KDM4C: variants seen among roughly 807,000 people sequenced by gnomAD.
The protein encoded by KDM4C is lysine demethylase 4C, also known as lysine-specific demethylase 4C.
In KDM4C, 81 loss-of-function variants were observed where a neutral mutation model predicts 129.3. The ratio of observed to expected loss-of-function variants is 0.63; its 90% CI spans 0.52 to 0.75. The LOEUF is 0.75. Among genes scored for constraint, KDM4C ranks in the 30% least tolerant of loss-of-function variants. The pLI is 0.00. For synonymous variants in KDM4C, 573 were observed against 456.1 expected (o/e 1.26, Z -3.26); for missense variants, 1,457 against 1,304.0 (o/e 1.12, Z -1.81).
Position 7,049,146 on chromosome 9 carries a change from C to T in KDM4C, c.2370C>T (p.Val790=). 6.2e-7 allele frequency: 1 copy of T among 1,612,338 alleles called. No homozygotes were observed. The highest frequency in any genetic ancestry group is 1.3e-5 in the African/African-American group (1 of 74,866). ...TCCCAGAAGTTCGATTCACTAATGT[C>T]CCAGAAAGGACACAAATAGATGTAG... The part of the protein sequence containing the change: ...VAVPEVRFTN[V]PERTQIDVGR... Residue 790 remains valine (V), a synonymous_variant, in exon 17 of 22, where the codon GTC becomes GTT. Coordinates refer to ENST00000381309, the MANE Select transcript of KDM4C (RefSeq NM_015061.6).
intron 16 of KDM4C, among the ~76,000 whole-genome samples, 162 bp downstream of exon 16, chr9:7,047,079 T>G (rs767204975): frequency 1.1e-4 from 16 of 152,068 alleles, no homozygotes; most frequent in Non-Finnish European, 1.9e-4. Flanking sequence ...TTCTACTGTT[T>G]GCACTCTCAT....
In KDM4C at chr9:7,110,977, A is replaced by G. The variant is rs75153395; in HGVS notation, c.2610+7107A>G. On this transcript the variant is annotated intron_variant, in intron 18 of 21. Coordinates refer to ENST00000381309, the MANE Select transcript of KDM4C (RefSeq NM_015061.6). ...TATGGAGAACTTTAGACTGCCTTAA[A>G]ACTGTTCAGTTCAATATATGTAGGG... is the stretch of plus-strand genomic sequence containing the variant. Among the ~76,000 whole-genome samples the G allele has an allele frequency of 1.5e-3, 227 of 152,318 alleles. 1 individual carries two copies. The highest frequency in any genetic ancestry group is 5.1e-3 in the African/African-American group (211 of 41,582).
At chr9:6,834,739 T>G (rs1835547798) in intron 4 of KDM4C, 4 of 1,000,200 alleles carry the variant, frequency 4.0e-6, no homozygotes, top group Non-Finnish European at 6.4e-6. Flanking sequence ...GGGAGCTGCA[T>G]GTGGTTCCCG....
chr9:6,836,338 C>G (rs540556627), intron 4 of KDM4C, among the ~76,000 whole-genome samples: 1 of 152,240 alleles, frequency 6.6e-6, no homozygotes, highest in South Asian at 2.1e-4. Flanking sequence ...TGCCATTGCA[C>G]TCCAGCCTGG....
rs1817324263 is a variant in KDM4C at position 6,984,417 on chromosome 9, T to C, written c.1354+13T>C. ...ATCAAACTCTCAGGTGAGAAGATGG[T>C]TGATTAGGTTTCACATATAAGTAGT... On this transcript the variant is annotated intron_variant, in intron 10 of 21. Transcript: ENST00000381309. The C allele has an allele frequency of 1.9e-6, 3 of 1,546,394 alleles. No homozygotes were observed. Among genetic ancestry groups the C allele is most frequent in the African/African-American group, 1.4e-5 (1 of 73,556 alleles).
chr9:6,805,523 T>C (rs574656291), intron 2 of KDM4C, 76 bp from the exon 3 acceptor site: 1 of 986,564 alleles, frequency 1.0e-6, no homozygotes, highest in East Asian at 2.8e-5. Context: ...TCAGTTGTAG[T>C]TTATCAGAAT....
chr9:7,061,464 C>T (rs775924818), intron 17 of KDM4C, among the ~76,000 whole-genome samples: 45 of 152,158 alleles, frequency 3.0e-4, no homozygotes, highest in African/African-American at 4.8e-5. Context: ...TTTTTAATAA[C>T]GGGAGCTGAG....
At chr9:6,835,156 C>T (rs1835653659) in intron 4 of KDM4C, 2 of 966,128 alleles carry the variant, frequency 2.1e-6, no homozygotes, top group South Asian at 1.3e-5. Context: ...CAGCTCCTCC[C>T]TGGAGAAGAG....
chr9:7,102,690 C>T (rs1317846952), intron 17 of KDM4C, among the ~76,000 whole-genome samples: 2 of 152,122 alleles, frequency 1.3e-5, no homozygotes, highest in African/African-American at 2.4e-5. Context: ...TTCAAAAGGG[C>T]TTGAGTTTAA....
At chr9:7,039,744 G>A (rs964888580) in intron 15 of KDM4C, among the ~76,000 whole-genome samples, 1 of 135,578 alleles carries the variant, frequency 7.4e-6, no homozygotes, top group African/African-American at 2.8e-5. Context: ...TTTATTCATT[G>A]AGTGGATCAT....
chr9:6,839,794 C>T (rs1414659013), intron 4 of KDM4C, among the ~76,000 whole-genome samples: 1 of 151,876 alleles, frequency 6.6e-6, no homozygotes, highest in Non-Finnish European at 1.5e-5. Context: ...CCCAGCTACT[C>T]AGGAGACTGA....
intron 17 of KDM4C, among the ~76,000 whole-genome samples, chr9:7,092,198 T>G (rs1324638631): frequency 6.6e-6 from 1 of 152,214 alleles, no homozygotes; most frequent in Non-Finnish European, 1.5e-5. Flanking sequence ...TATAGAGCAC[T>G]TCTGTATCCA....
intron 19 of KDM4C, among the ~76,000 whole-genome samples, chr9:7,156,628 G>C (rs1458611479): frequency 3.9e-5 from 6 of 152,134 alleles, no homozygotes; most frequent in Non-Finnish European, 5.9e-5. Flanking sequence ...CCCATTTCTT[G>C]TTTTTGTCAG....
chr9:6,945,166 A>G (rs1207906352), intron 8 of KDM4C, among the ~76,000 whole-genome samples: 4 of 152,168 alleles, frequency 2.6e-5, no homozygotes, highest in Admixed American at 6.5e-5. Context: ...AAATGCTCAC[A>G]TGCTCATAAA....
chr9:7,156,763 G>C (rs1843216351), intron 19 of KDM4C, among the ~76,000 whole-genome samples: 1 of 152,198 alleles, frequency 6.6e-6, no homozygotes, highest in African/African-American at 2.4e-5. Flanking sequence ...TAGCCTTGTA[G>C]TATAGTTTGA....
chr9:6,833,694 G>A (rs1835326851), intron 4 of KDM4C, among the ~76,000 whole-genome samples: 1 of 152,182 alleles, frequency 6.6e-6, no homozygotes, highest in Admixed American at 6.5e-5. Context: ...CTGCTCCCTG[G>A]TATGTACTGA....
intron 5 of KDM4C, among the ~76,000 whole-genome samples, chr9:6,868,758 G>A (rs989098531): frequency 1.3e-5 from 2 of 151,930 alleles, no homozygotes; most frequent in African/African-American, 2.4e-5. Flanking sequence ...GGTGTGGAGG[G>A]CTGACTGTAC....
At chr9:6,920,382 T>A (rs1422229819) in intron 8 of KDM4C, among the ~76,000 whole-genome samples, 1 of 152,132 alleles carries the variant, frequency 6.6e-6, no homozygotes, top group East Asian at 1.9e-4. Flanking sequence ...GCCAACATGG[T>A]AAGACCCCAT....
At chr9:7,116,480 G>T (rs12236077) in intron 18 of KDM4C, among the ~76,000 whole-genome samples, 26,451 of 151,970 alleles carry the variant, frequency 0.17, 2,480 homozygotes, top group East Asian at 0.29. Context: ...GAAGGATGCA[G>T]TTACCATTAG....
Sources: gnomAD v4.1 joint callset for allele counts (sites outside exome capture counted in the v4.1 genomes callset) on GRCh38, gnomAD v4.1.1 for gene constraint, MANE v1.5 for transcripts, NCBI Gene and HGNC (gene_info 2026-07-23, HGNC 2026-07-21) for gene names.